The following ABCC9 variants were observed in gnomAD, a reference collection of about 807,000 sequenced individuals.
ABCC9 encodes ATP-binding cassette sub-family C member 9.
In ABCC9, 95 loss-of-function variants were observed where a neutral mutation model predicts 188.3. That is an observed-to-expected ratio of 0.50 (90% CI 0.43 to 0.60). The LOEUF (loss-of-function observed/expected upper bound fraction) is 0.60. ABCC9 is among the 20% of genes least tolerant of loss of function. The pLI, the probability that ABCC9 is intolerant of heterozygous loss-of-function variation, is 0.00. For synonymous variants in ABCC9, 659 were observed against 652.7 expected (o/e 1.01, Z -0.15); for missense variants, 1,102 against 1,876.3 (o/e 0.59, Z 7.62).
At chr12:21,872,517 G>T in intron 18 of ABCC9, 108 bp downstream of exon 18, 4 of 857,892 alleles carry the variant, frequency 4.7e-6, no homozygotes, top group African/African-American at 1.7e-5. Context: ...GCTTATTTCT[G>T]CGTGGTCTTC....
chr12:21,909,460 G>T (rs1370048351), intron 10 of ABCC9, among the ~76,000 whole-genome samples: 1 of 151,890 alleles, frequency 6.6e-6, no homozygotes, highest in Non-Finnish European at 1.5e-5. Context: ...AATTAAAAAT[G>T]TCCAGTTTAT....
chr12:21,918,116 G>T (rs1343994365), intron 5 of ABCC9, among the ~76,000 whole-genome samples: 1 of 151,786 alleles, frequency 6.6e-6, no homozygotes, highest in Non-Finnish European at 1.5e-5. Context: ...AGATGGGAAA[G>T]ATATACAATG....
chr12:21,915,596 T>C, intron 7 of ABCC9, 72 bp downstream of exon 7: 1 of 1,556,420 alleles, frequency 6.4e-7, no homozygotes, highest in Non-Finnish European at 8.7e-7. Flanking sequence ...CACTGCAAGC[T>C]CTGCCTCCCA....
rs1207116988 is a variant in ABCC9, at chr12:21,805,980, C to A, written c.4512+18G>T. On this transcript the variant is annotated intron_variant, in intron 39 of 39. Coordinates refer to ENST00000261200, the MANE Select transcript of ABCC9 (RefSeq NM_020297.4). Reference sequence around the variant, plus strand: ...CAAAAACCAAAGAGGTATACCAACTCCGTCTTCTCATACTTACAGCTATTG... The same window carrying A: ...CAAAAACCAAAGAGGTATACCAACTACGTCTTCTCATACTTACAGCTATTG... 3.1e-6 allele frequency: 5 copies of A among 1,613,302 alleles called. No homozygotes were observed. The South Asian group carries it at 3.3e-5, about 11-fold the overall frequency.
At position 21,800,690 on chromosome 12, in the gene ABCC9, A is replaced by G. The variant is rs1941385033; in HGVS notation, c.*354T>C. 1 of 295,124 alleles carries G rather than the reference A, an allele frequency of 3.4e-6. No individual in the cohort carries two copies. Among genetic ancestry groups the G allele is most frequent in the African/African-American group, 2.2e-5 (1 of 45,624 alleles). 18.3% of individuals were successfully genotyped at this position (295,124 alleles called of 1,614,324 possible). A position where few individuals can be genotyped will look rare whatever the true frequency, so the allele number is the denominator to read the frequency against. ...AATATATTCTTACAAACAAGAGTATAGTAATACTGACTACTCATTGACACT... is the reference window on the plus strand; with the variant it reads ...AATATATTCTTACAAACAAGAGTATGGTAATACTGACTACTCATTGACACT... On this transcript the variant is annotated 3_prime_UTR_variant, in exon 40 of 40. Coordinates refer to ENST00000261200, the MANE Select transcript of ABCC9 (RefSeq NM_020297.4).
chr12:21,896,105 C>CT (rs796791024), intron 12 of ABCC9, among the ~76,000 whole-genome samples: 2,769 of 45,030 alleles, frequency 0.061, 46 homozygotes, highest in Middle Eastern at 0.13. Context: ...TTTTACTTTT[C>CT]TTTTTTTTTT....
chr12:21,812,075 A>G lies in ABCC9; in HGVS notation c.4185T>C (p.Asp1395=). ...TAATGGAACCACTGAATAGTATTGG[A>G]TCCTGCAGAATGATTGAAAGTCTAG... ...LRSRLSIILQ[D]PILFSGSIRF... The change falls in exon 36 of 40, where the codon GAT becomes GAC. Residue 1395 remains aspartate (D), a synonymous_variant. Transcript: ENST00000261200. 6.2e-7 allele frequency: 1 copy of G among 1,611,414 alleles called. No individual in the cohort carries two copies. Among genetic ancestry groups the G allele is most frequent in the Non-Finnish European group, 8.5e-7 (1 of 1,177,680 alleles).
chr12:21,829,452 T>C lies in ABCC9; in HGVS notation c.3567-392A>G, dbSNP rs541755125. On this transcript the variant is annotated intron_variant, in intron 30 of 39. Coordinates refer to ENST00000261200, the MANE Select transcript of ABCC9 (RefSeq NM_020297.4). ...TCCTGACCTTGTGATCCGCCCACCT[T>C]GGCCTCCCAAAGTGCTGGGATTACA... Among the ~76,000 whole-genome samples, 499 of 152,222 alleles carry C rather than the reference T, an allele frequency of 3.3e-3. 19 individuals are homozygous for C. The South Asian group carries it at 0.082, about 25-fold the overall frequency.
chr12:21,865,104 A>G (rs190909762), intron 18 of ABCC9, among the ~76,000 whole-genome samples: 303 of 152,216 alleles, frequency 2.0e-3, no homozygotes, highest in Non-Finnish European at 3.4e-3. Flanking sequence ...CTGAAGACCT[A>G]TTTCTTTTAT....
chr12:21,860,871 T>C (rs1945468943), intron 21 of ABCC9, 100 bp downstream of exon 21: 1 of 991,232 alleles, frequency 1.0e-6, no homozygotes, highest in Admixed American at 1.8e-5. Flanking sequence ...ATACAACTCC[T>C]AAGCTCTCAA....
chr12:21,915,514 A>ATATT, intron 7 of ABCC9, among the ~76,000 whole-genome samples, 154 bp downstream of exon 7: 1 of 3,520 alleles, frequency 2.8e-4, no homozygotes, highest in Non-Finnish European at 4.7e-4. Flanking sequence ...ATATATATAT[A>ATATT]TTTTTTTTTT....
chr12:21,838,250 T>C, intron 29 of ABCC9, 80 bp from the exon 30 acceptor site: 1 of 1,096,872 alleles, frequency 9.1e-7, no homozygotes, highest in Non-Finnish European at 1.4e-6. Context: ...AAGAGAAAGT[T>C]ATTTTGTCAC....
chr12:21,938,622 A>G (rs1949585437), intron 2 of ABCC9, among the ~76,000 whole-genome samples: 1 of 152,200 alleles, frequency 6.6e-6, no homozygotes, highest in African/African-American at 2.4e-5. Flanking sequence ...TCCTCGCACA[A>G]ACTAGAAAAT....
chr12:21,817,364 T>TA, intron 32 of ABCC9, 57 bp from the exon 33 acceptor site: 1 of 1,574,106 alleles, frequency 6.4e-7, no homozygotes, highest in South Asian at 1.1e-5. Context: ...AAGTTGTGGT[T>TA]AATCACCGGA....
At chr12:21,913,134 C>T (rs988940335) in intron 7 of ABCC9, 68 bp from the exon 8 acceptor site, 10 of 1,367,590 alleles carry the variant, frequency 7.3e-6, no homozygotes, top group Non-Finnish European at 1.0e-5. Context: ...AGTAACTAAT[C>T]TCATGTATGG....
chr12:21,919,759 C>A (rs987028440), intron 5 of ABCC9, among the ~76,000 whole-genome samples: 1 of 151,978 alleles, frequency 6.6e-6, no homozygotes, highest in Non-Finnish European at 1.5e-5. Flanking sequence ...CACTTTCCAA[C>A]TCATTTATGA....
intron 18 of ABCC9, among the ~76,000 whole-genome samples, chr12:21,870,234 A>G (rs1946000386): frequency 6.6e-6 from 1 of 152,028 alleles, no homozygotes; most frequent in Non-Finnish European, 1.5e-5. Context: ...TTTATAAGGT[A>G]TATGGAAGAT....
At chr12:21,851,737 C>G (rs111639992) in intron 24 of ABCC9, among the ~76,000 whole-genome samples, 2 of 151,948 alleles carry the variant, frequency 1.3e-5, no homozygotes, top group Admixed American at 6.6e-5. Flanking sequence ...TGAAAATATT[C>G]TACTTTTATA....
chr12:21,890,288 C>T (rs2137709076), intron 14 of ABCC9, among the ~76,000 whole-genome samples: 1 of 152,222 alleles, frequency 6.6e-6, no homozygotes, highest in South Asian at 2.1e-4. Flanking sequence ...ATCCGGTTGC[C>T]TTTCAGCATC....
Sources: gnomAD v4.1 joint callset for allele counts (sites outside exome capture counted in the v4.1 genomes callset) on GRCh38, gnomAD v4.1.1 for gene constraint, MANE v1.5 for transcripts, NCBI Gene and HGNC (gene_info 2026-07-23, HGNC 2026-07-21) for gene names.